The following ADAMTS6 variants were observed in gnomAD, a reference collection of about 807,000 sequenced individuals.
ADAMTS6 encodes ADAM metallopeptidase with thrombospondin type 1 motif 6.
A neutral mutation model predicts 144.3 loss-of-function variants in ADAMTS6; 23 were observed. The observed-to-expected ratio is 0.16, with a 90% CI of 0.11 to 0.23. The LOEUF is 0.23. ADAMTS6 is among the 10% of genes least tolerant of loss of function. The probability of loss-of-function intolerance (pLI) is 1.00; values close to 1 mark genes in which losing one functional copy is unlikely to be tolerated. For synonymous variants in ADAMTS6, 444 were observed against 457.5 expected (o/e 0.97, Z 0.38); for missense variants, 999 against 1,379.6 (o/e 0.72, Z 4.37).
intron 9 of ADAMTS6, among the ~76,000 whole-genome samples, chr5:65,317,338 A>G (rs1745104309): frequency 6.6e-6 from 1 of 152,204 alleles, no homozygotes; most frequent in African/African-American, 2.4e-5. Context: ...CAGGCCCAAC[A>G]AGGGCAGATA....
At chr5:65,469,483 T>C (rs181526370) in intron 3 of ADAMTS6, among the ~76,000 whole-genome samples, 1 of 152,204 alleles carries the variant, frequency 6.6e-6, no homozygotes, top group Non-Finnish European at 1.5e-5. Flanking sequence ...TTTTAACATA[T>C]GAAAAGTTTT....
chr5:65,422,291 C>T (rs1756114645), intron 7 of ADAMTS6, among the ~76,000 whole-genome samples: 1 of 152,210 alleles, frequency 6.6e-6, no homozygotes, highest in South Asian at 2.1e-4. Context: ...AGAATGGCCA[C>T]TATTAACGAG....
intron 9 of ADAMTS6, among the ~76,000 whole-genome samples, chr5:65,302,879 A>G (rs1431024308): frequency 1.3e-5 from 2 of 152,098 alleles, no homozygotes; most frequent in Non-Finnish European, 2.9e-5. Flanking sequence ...AAGAGAATCA[A>G]TTTTGAGATT....
intron 7 of ADAMTS6, among the ~76,000 whole-genome samples, chr5:65,426,471 A>G (rs1453063804): frequency 5.9e-5 from 9 of 152,028 alleles, no homozygotes; most frequent in Admixed American, 1.3e-4. Flanking sequence ...CACTTGGGGG[A>G]AAAAATGAAA....
chr5:65,420,238 C>T (rs962952510), intron 7 of ADAMTS6, among the ~76,000 whole-genome samples: 2 of 152,206 alleles, frequency 1.3e-5, no homozygotes, highest in Admixed American at 6.5e-5. Flanking sequence ...TTACCTCCAC[C>T]TGGTCTCTCC....
At chr5:65,334,526 G>C (rs772881073) in intron 7 of ADAMTS6, among the ~76,000 whole-genome samples, 3 of 152,080 alleles carry the variant, frequency 2.0e-5, no homozygotes, top group Admixed American at 1.3e-4. Flanking sequence ...GCACTATTTG[G>C]AGTTGCTTTA....
intron 15 of ADAMTS6, among the ~76,000 whole-genome samples, chr5:65,232,884 G>A (rs1758369074): frequency 6.6e-6 from 1 of 152,022 alleles, no homozygotes; most frequent in Non-Finnish European, 1.5e-5. Flanking sequence ...GCCAGACAAA[G>A]ATACTAACAG....
At chr5:65,343,080 T>C (rs1748001135) in intron 7 of ADAMTS6, among the ~76,000 whole-genome samples, 1 of 151,556 alleles carries the variant, frequency 6.6e-6, no homozygotes, top group African/African-American at 2.4e-5. Context: ...TATCCCATGG[T>C]TATGAATCAG....
intron 7 of ADAMTS6, among the ~76,000 whole-genome samples, chr5:65,403,985 T>C (rs1267439184): frequency 1.3e-5 from 2 of 152,130 alleles, no homozygotes; most frequent in South Asian, 2.1e-4. Flanking sequence ...ATGAATATTA[T>C]ACTTTCTCCC....
intron 3 of ADAMTS6, among the ~76,000 whole-genome samples, chr5:65,466,708 T>C (rs1454754569): frequency 6.6e-6 from 1 of 152,202 alleles, no homozygotes; most frequent in Non-Finnish European, 1.5e-5. Flanking sequence ...ATGGTCTTTA[T>C]AATATTCAGA....
chr5:65,224,110 A>G (rs181529516), intron 18 of ADAMTS6, among the ~76,000 whole-genome samples: 2 of 152,030 alleles, frequency 1.3e-5, no homozygotes, highest in East Asian at 3.9e-4. Flanking sequence ...TGATTTTTTA[A>G]ATATATAAAA....
At chr5:65,152,990 G>A (rs192334817) in intron 24 of ADAMTS6, among the ~76,000 whole-genome samples, 4 of 152,284 alleles carry the variant, frequency 2.6e-5, no homozygotes, top group Admixed American at 2.6e-4. Flanking sequence ...AGTGGGTAAT[G>A]TTCAGTGTTA....
At chr5:65,464,090 T>C (rs2150271289) in intron 3 of ADAMTS6, among the ~76,000 whole-genome samples, 1 of 152,354 alleles carries the variant, frequency 6.6e-6, no homozygotes, top group East Asian at 1.9e-4. Flanking sequence ...ATCACCGTCA[T>C]TCTCTGCAAC....
intron 14 of ADAMTS6, among the ~76,000 whole-genome samples, chr5:65,254,748 T>C (rs997513224): frequency 6.6e-6 from 1 of 152,218 alleles, no homozygotes; most frequent in African/African-American, 2.4e-5. Flanking sequence ...ATAATTTGTG[T>C]TGCAGAAGCA....
Position 65,423,479 on chromosome 5 carries a change from T to C in ADAMTS6, c.1073+27996A>G, listed in dbSNP as rs569295259. On this transcript the variant is annotated intron_variant, in intron 7 of 24. Transcript: ENST00000381055. ...GATAAAACCCAACTAATGTAGTAGA[T>C]GGTAACTTACTTAATATTAAAAACA... is the stretch of plus-strand genomic sequence containing the variant. 3.9e-5 allele frequency among the ~76,000 whole-genome samples: 6 copies of C among 152,338 alleles called. No individual in the cohort carries two copies. The South Asian group carries it at 1.2e-3, about 32-fold the overall frequency.
chr5:65,155,396 T>C (rs887793951), intron 24 of ADAMTS6, among the ~76,000 whole-genome samples: 2 of 152,208 alleles, frequency 1.3e-5, no homozygotes, highest in Non-Finnish European at 2.9e-5. Flanking sequence ...CTGGGCTACA[T>C]GGTATAGCCT....
intron 7 of ADAMTS6, among the ~76,000 whole-genome samples, chr5:65,439,259 G>T (rs1403247254): frequency 6.6e-6 from 1 of 152,100 alleles, no homozygotes; most frequent in Non-Finnish European, 1.5e-5. Flanking sequence ...GCCAAAATTG[G>T]AGGGTAAAAT....
intron 1 of ADAMTS6, among the ~76,000 whole-genome samples, chr5:65,477,340 A>G (rs1279831431): frequency 6.6e-6 from 1 of 152,206 alleles, no homozygotes; most frequent in Non-Finnish European, 1.5e-5. Flanking sequence ...TTTTCTAGCA[A>G]TGGAGATAGA....
chr5:65,225,150 G>T, intron 16 of ADAMTS6, 103 bp from the exon 17 acceptor site: 1 of 1,315,968 alleles, frequency 7.6e-7, no homozygotes, highest in Non-Finnish European at 1.0e-6. Flanking sequence ...TTCCAGTAAA[G>T]AAAAGAAAAA....
Sources: gnomAD v4.1 joint callset for allele counts (sites outside exome capture counted in the v4.1 genomes callset) on GRCh38, gnomAD v4.1.1 for gene constraint, MANE v1.5 for transcripts, NCBI Gene and HGNC (gene_info 2026-07-23, HGNC 2026-07-21) for gene names.